Variants in NLGN4X observed in about 807,000 individuals in gnomAD.
The protein encoded by NLGN4X is neuroligin 4 X-linked.
Under a neutral mutation model 40.3 loss-of-function variants are expected in NLGN4X, and 3 were observed. That is an observed-to-expected ratio of 0.07 (90% CI 0.03 to 0.19). The LOEUF (loss-of-function observed/expected upper bound fraction) is 0.19, where lower values mean the gene tolerates loss of function less well. Ranked by LOEUF, NLGN4X falls within the 10% of genes least tolerant of loss-of-function variation. The probability of loss-of-function intolerance (pLI) is 1.00; values close to 1 mark genes in which losing one functional copy is unlikely to be tolerated. For missense variants in NLGN4X, 382 were observed against 708.3 expected (o/e 0.54, Z 5.23); for synonymous variants, 270 against 306.8 (o/e 0.88, Z 1.25).
chrX:5,894,888 C>A (rs901146347), intron 5 of NLGN4X, among the ~76,000 whole-genome samples: 1 of 112,150 alleles, frequency 8.9e-6, no homozygotes, highest in Non-Finnish European at 1.9e-5. Flanking sequence ...ATGTGATGTG[C>A]AGAACCAGGC....
intron 2 of NLGN4X, among the ~76,000 whole-genome samples, chrX:6,068,675 G>C (rs917611061): frequency 1.2e-4 from 13 of 111,770 alleles, no homozygotes; most frequent in African/African-American, 3.9e-4. Context: ...ATCTATAAAG[G>C]GTTTTGGGTC....
chrX:5,936,898 T>C (rs1229545672), intron 3 of NLGN4X, among the ~76,000 whole-genome samples: 2 of 111,842 alleles, frequency 1.8e-5, no homozygotes, highest in Non-Finnish European at 3.8e-5. Context: ...CTGAGAGTTG[T>C]AGCATCCAGA....
intron 2 of NLGN4X, among the ~76,000 whole-genome samples, chrX:6,109,302 T>C (rs1335451459): frequency 9.0e-6 from 1 of 111,361 alleles, no homozygotes; most frequent in Admixed American, 9.6e-5. Flanking sequence ...TAATACCCTA[T>C]GTACTGCATT....
intron 3 of NLGN4X, among the ~76,000 whole-genome samples, chrX:5,989,017 G>A (rs1460233642): frequency 9.2e-6 from 1 of 109,023 alleles, no homozygotes; most frequent in Non-Finnish European, 1.9e-5. Context: ...ATAGTGAGCC[G>A]TGATCATGCC....
intron 2 of NLGN4X, among the ~76,000 whole-genome samples, chrX:6,116,189 A>G (rs1475471129): frequency 1.0e-5 from 1 of 96,446 alleles, no homozygotes; most frequent in Non-Finnish European, 2.0e-5. Flanking sequence ...GCTACTCGGG[A>G]GGCTAAGGCA....
chrX:6,132,279 A>T (rs1283960059), intron 2 of NLGN4X, among the ~76,000 whole-genome samples: 1 of 111,676 alleles, frequency 9.0e-6, no homozygotes, highest in East Asian at 2.8e-4. Context: ...TCAGGAGCAC[A>T]CACTGCCCAG....
At chrX:6,209,565 A>G (rs943678043) in intron 1 of NLGN4X, among the ~76,000 whole-genome samples, 1 of 111,690 alleles carries the variant, frequency 9.0e-6, no homozygotes, top group Non-Finnish European at 1.9e-5. Flanking sequence ...CTTTTAAAAT[A>G]TCTGAGTAAA....
At chrX:6,170,182 CTT>C (rs1187538503) in intron 1 of NLGN4X, among the ~76,000 whole-genome samples, 6 of 110,830 alleles carry the variant, frequency 5.4e-5, no homozygotes, top group African/African-American at 2.0e-4. Context: ...GTCTGGAACT[CTT>C]GGGCTCAAGC....
chrX:5,928,414 A>G (rs760279066), intron 3 of NLGN4X, among the ~76,000 whole-genome samples: 5 of 111,897 alleles, frequency 4.5e-5, no homozygotes, highest in Admixed American at 1.9e-4. Context: ...GGCCTCAGGG[A>G]CAACTCTATT....
intron 2 of NLGN4X, among the ~76,000 whole-genome samples, chrX:6,077,310 G>GTGGTGTGTGTGGT (rs1168394609): frequency 9.8e-6 from 1 of 102,546 alleles, no homozygotes; most frequent in Admixed American, 1.1e-4. Flanking sequence ...GTGTGTGTGT[G>GTGGTGTGTGTGGT]GTGTGTGTGT....
chrX:6,001,698 T>A (rs778577094), intron 3 of NLGN4X, among the ~76,000 whole-genome samples: 8 of 106,281 alleles, frequency 7.5e-5, no homozygotes, highest in Middle Eastern at 4.7e-3. Flanking sequence ...TTTTTTTTTT[T>A]AAATATGGAA....
chrX:6,187,668 C>T (rs978787516), intron 1 of NLGN4X: 1 of 112,365 alleles, frequency 8.9e-6, no homozygotes. Context: ...AAGCATTAAT[C>T]TTCCTATCCC....
chrX:6,182,744 C>T (rs759629085), intron 1 of NLGN4X, among the ~76,000 whole-genome samples: 34 of 111,503 alleles, frequency 3.0e-4, no homozygotes, highest in Non-Finnish European at 2.1e-4. Context: ...AGCTAAGGAA[C>T]GCAGGTAGCC....
intron 1 of NLGN4X, among the ~76,000 whole-genome samples, chrX:6,160,764 G>A (rs911281041): frequency 4.6e-5 from 5 of 108,696 alleles, no homozygotes; most frequent in African/African-American, 1.0e-4. Flanking sequence ...CTCATTATCC[G>A]CCCGCCTTGG....
chrX:5,984,454 A>T (rs1467913511), intron 3 of NLGN4X, among the ~76,000 whole-genome samples: 2 of 107,415 alleles, frequency 1.9e-5, no homozygotes, highest in Admixed American at 1.9e-4. Flanking sequence ...AAAACAAGAG[A>T]AACAGCACCA....
chrX:5,926,270 G>A (rs1240830950), intron 3 of NLGN4X, among the ~76,000 whole-genome samples: 1 of 109,638 alleles, frequency 9.1e-6, no homozygotes, highest in African/African-American at 3.3e-5. Context: ...CAGCCATGTG[G>A]AACTGCAAGT....
intron 3 of NLGN4X, among the ~76,000 whole-genome samples, chrX:5,910,927 C>T (rs1270202556): frequency 2.7e-5 from 3 of 111,089 alleles, no homozygotes; most frequent in Admixed American, 9.6e-5. Flanking sequence ...TTAGTGGGTG[C>T]GATCAGACAT....
chrX:5,964,712 G>A lies in NLGN4X; in HGVS notation c.626-55473C>T, dbSNP rs752747223. Among the ~76,000 whole-genome samples, 3 of 110,465 alleles carry A rather than the reference G, an allele frequency of 2.7e-5. No individual in the cohort carries two copies. In the Admixed American group the frequency reaches 2.9e-4, roughly 11 times the overall value. ...TGTAGAGACAGGGTGGGGAGGGAGG[G>A]CTTGCTATGTGGTCCAAGCTAGTCT... On this transcript the variant is annotated intron_variant, in intron 3 of 5. Transcript: ENST00000381095.
intron 2 of NLGN4X, among the ~76,000 whole-genome samples, chrX:6,067,861 C>T (rs934792746): frequency 9.0e-6 from 1 of 111,351 alleles, no homozygotes; most frequent in Non-Finnish European, 1.9e-5. Context: ...TGCCCAAATG[C>T]TAAGGAGAAA....
Sources: allele counts gnomAD v4.1 joint callset (sites outside exome capture counted in the v4.1 genomes callset), GRCh38; gene constraint gnomAD v4.1.1; transcripts MANE v1.5; gene names NCBI Gene and HGNC (gene_info 2026-07-23, HGNC 2026-07-21).